The following GCA variants were observed in gnomAD, a reference collection of about 807,000 sequenced individuals.
GCA encodes grancalcin, EF-hand calcium-binding protein.
A neutral mutation model predicts 32.6 loss-of-function variants in GCA; 30 were observed. The ratio of observed to expected loss-of-function variants is 0.92; its 90% confidence interval spans 0.69 to 1.25. The LOEUF (loss-of-function observed/expected upper bound fraction) is 1.25. Ranked by LOEUF, GCA falls within the 50% of genes most tolerant of loss-of-function variation. GCA has a pLI of 0.00. For synonymous variants in GCA, 102 were observed against 84.6 expected, an observed-to-expected ratio of 1.21 and a Z score of -1.13; for missense variants, 291 against 266.8, an observed-to-expected ratio of 1.09 and a Z score of -0.63.
intron 1 of GCA, among the ~76,000 whole-genome samples, chr2:162,344,987 T>A (rs1198612009): frequency 3.3e-5 from 5 of 152,168 alleles, no homozygotes; most frequent in Non-Finnish European, 7.3e-5. Context: ...TTTCTATTTG[T>A]TTTTTACCTA....
downstream of GCA, among the ~76,000 whole-genome samples, chr2:162,364,764 G>A (rs1685697940): frequency 1.3e-5 from 2 of 151,136 alleles, no homozygotes; most frequent in African/African-American, 2.4e-5. Flanking sequence ...TATGAAACTC[G>A]GGCAAAAGAA....
chr2:162,319,226 G>A lies in GCA; in HGVS notation c.-31+1G>A, dbSNP rs922392178. ...AACTTGTTTCCCTGGGAATTTGGAG[G>A]TGGGTTCGAAAAAGTGAGTAACAAT... On this transcript the variant is annotated splice_donor_variant, in intron 1 of 4. Coordinates refer to the GCA transcript ENST00000429691. LOFTEE classifies it low-confidence loss of function (5UTR_SPLICE). The A allele has an allele frequency of 2.2e-6, 1 of 457,024 alleles. No individual in the cohort carries two copies. The highest frequency in any genetic ancestry group is 4.4e-6 in the Non-Finnish European group (1 of 227,048). The allele number at this position is 457,024 out of a possible 1,614,324, so 28.3% of individuals were successfully genotyped here.
In GCA at chr2:162,361,595, A is replaced by C. The variant is rs1481880017; in HGVS notation, c.*1352A>C. ...CAGAATTTTAAATCAGCCTTCACTT[A>C]AAAAAATCCTGGAAAGGAAGTAACG... On this transcript the variant is annotated 3_prime_UTR_variant, in exon 8 of 8. Transcript: ENST00000437150. 1.0e-6 allele frequency: 1 copy of C among 980,848 alleles called. No homozygotes were observed. Among genetic ancestry groups the C allele is most frequent in the Non-Finnish European group, 1.2e-6 (1 of 826,070 alleles). 60.8% of individuals were successfully genotyped at this position (980,848 alleles called of 1,614,324 possible). A position where few individuals can be genotyped will look rare whatever the true frequency, so the allele number is the denominator to read the frequency against.
At chr2:162,339,746 T>G (rs1283114382), upstream of GCA, among the ~76,000 whole-genome samples, 1 of 152,220 alleles carries the variant, frequency 6.6e-6, no homozygotes, top group East Asian at 1.9e-4. Context: ...GGCAGCCATC[T>G]GTAACCAAGG....
intron 1 of GCA, 57 bp downstream of exon 1, chr2:162,344,332 G>T: frequency 6.4e-7 from 1 of 1,567,614 alleles, no homozygotes; most frequent in Non-Finnish European, 8.8e-7. Context: ...GCGCCCCCGG[G>T]GGCGGTGCCA....
chr2:162,349,462 A>T (rs1684880160), intron 2 of GCA, among the ~76,000 whole-genome samples: 1 of 152,200 alleles, frequency 6.6e-6, no homozygotes, highest in Non-Finnish European at 1.5e-5. Context: ...AGAGTGATGA[A>T]CTAAGATAGT....
chr2:162,336,097 G>C (rs1426339111), intron 1 of GCA, among the ~76,000 whole-genome samples: 2 of 152,176 alleles, frequency 1.3e-5, no homozygotes, highest in African/African-American at 4.8e-5. Context: ...TTTAAGAACT[G>C]AATATCAGCT....
intron 2 of GCA, among the ~76,000 whole-genome samples, chr2:162,349,146 G>T (rs767944786): frequency 3.3e-5 from 5 of 151,924 alleles, no homozygotes; most frequent in Non-Finnish European, 7.4e-5. Flanking sequence ...ATACTGAAGA[G>T]CCCAGAAGCT....
chr2:162,320,443 CA>C (rs1173043688), intron 1 of GCA, among the ~76,000 whole-genome samples: 1 of 152,106 alleles, frequency 6.6e-6, no homozygotes, highest in African/African-American at 2.4e-5. Flanking sequence ...ACTAACAAAC[CA>C]AAAAACATTC....
intron 1 of GCA, 127 bp downstream of exon 1, chr2:162,344,402 C>T (rs2241662): frequency 2.3e-6 from 2 of 886,948 alleles, no homozygotes; most frequent in Non-Finnish European, 1.8e-6. Flanking sequence ...TCGGCGGCGC[C>T]GGATTCCGGG....
At chr2:162,349,338 A>G (rs1356162825) in intron 2 of GCA, among the ~76,000 whole-genome samples, 1 of 151,616 alleles carries the variant, frequency 6.6e-6, no homozygotes, top group East Asian at 1.9e-4. Flanking sequence ...GGGTGTATTG[A>G]TGTTTATCTC....
intron 1 of GCA, among the ~76,000 whole-genome samples, chr2:162,326,204 G>T (rs1001698451): frequency 3.3e-5 from 5 of 152,200 alleles, no homozygotes; most frequent in African/African-American, 1.2e-4. Flanking sequence ...GCCTTACAAG[G>T]TATAGAAAGC....
In GCA at chr2:162,332,328, T is replaced by A. The variant is rs906003365; in HGVS notation, c.-31+13103T>A. On this transcript the variant is annotated intron_variant, in intron 1 of 4. Transcript: ENST00000429691. The stretch of plus-strand genomic sequence containing the variant: ...CATCTCAAAAAAAAAAAAAAATATA[T>A]ATATATATATAATATATAATATTAT... Among the ~76,000 whole-genome samples the A allele has an allele frequency of 1.6e-4, 23 of 142,162 alleles. No homozygotes were observed. In the South Asian group the frequency reaches 2.2e-3, roughly 14 times the overall value. The allele number at this position is 142,162 out of a possible 152,430, so 93.3% of individuals were successfully genotyped here. A position where few individuals can be genotyped will look rare whatever the true frequency, so the allele number is the denominator to read the frequency against.
At position 162,356,773 on chromosome 2, in the gene GCA, A is replaced by C; in HGVS notation, c.322A>C (p.Lys108Gln). ...IAMLDRDHTG[K>Q]MGFNAFKELW... is the part of the protein sequence containing the mutation. The stretch of plus-strand genomic sequence containing the variant: ...AAACTATCAGAGAGATCACACAGGA[A>C]AAATGGGATTTAATGCATTCAAAGA... Residue 108 changes from lysine to glutamine, a missense_variant, in exon 5 of 8, where the codon AAA (lysine) becomes CAA (glutamine). Physicochemically the swap from Lys to Gln is moderately conservative, Grantham distance 53 (BLOSUM62 1). Transcript: ENST00000437150. 6 of 1,606,958 alleles carry C rather than the reference A, an allele frequency of 3.7e-6. No homozygotes were observed. In the South Asian group the frequency reaches 5.5e-5, roughly 15 times the overall value.
At chr2:162,329,511 C>T (rs1684001305) in intron 1 of GCA, among the ~76,000 whole-genome samples, 1 of 151,766 alleles carries the variant, frequency 6.6e-6, no homozygotes, top group Non-Finnish European at 1.5e-5. Flanking sequence ...TTAATTAGCT[C>T]ATCTCATTCC....
At chr2:162,363,936 A>G (rs1053350459), downstream of GCA, among the ~76,000 whole-genome samples, 1 of 151,468 alleles carries the variant, frequency 6.6e-6, no homozygotes, top group African/African-American at 2.4e-5. Context: ...TGTGCCATAC[A>G]GTAAGAAAAT....
At chr2:162,321,338 A>G (rs1683656495) in intron 1 of GCA, among the ~76,000 whole-genome samples, 1 of 152,046 alleles carries the variant, frequency 6.6e-6, no homozygotes, top group Non-Finnish European at 1.5e-5. Context: ...TGAACTATGT[A>G]TTTTCCCATT....
chr2:162,355,526 T>A (rs1265543880), intron 3 of GCA, among the ~76,000 whole-genome samples: 2 of 152,128 alleles, frequency 1.3e-5, no homozygotes, highest in African/African-American at 4.8e-5. Context: ...ATTTAAACTG[T>A]ACTAACGTGA....
chr2:162,359,520 C>A lies in GCA; in HGVS notation c.595C>A (p.Gln199Lys), dbSNP rs1332036724. The A allele has an allele frequency of 1.9e-6, 3 of 1,545,082 alleles. No homozygotes were observed. The highest frequency in any genetic ancestry group is 1.2e-5 in the South Asian group (1 of 85,960). ...TTTCTTTAGGAAAAGAGACCACTTG[C>A]AACAAGGGTCTGCGAATTTCATATA... ...TDFFRKRDHL[Q>K]QGSANFIYDD... Residue 199 changes from glutamine to lysine, a missense_variant, in exon 7 of 8, where the codon CAA becomes AAA. By Grantham distance (53) the Gln-to-Lys change is moderately conservative (BLOSUM62 1). Coordinates refer to ENST00000437150, the MANE Select transcript of GCA (RefSeq NM_012198.5).
Sources: gnomAD v4.1 joint callset for allele counts (sites outside exome capture counted in the v4.1 genomes callset) on GRCh38, gnomAD v4.1.1 for gene constraint, MANE v1.5 for transcripts, NCBI Gene and HGNC (gene_info 2026-07-23, HGNC 2026-07-21) for gene names.